PCDH9: variants seen among roughly 807,000 people sequenced by gnomAD.
The protein encoded by PCDH9 is protocadherin 9.
In PCDH9, 24 loss-of-function variants were observed where a neutral mutation model predicts 70.6. The observed-to-expected ratio is 0.34, with a 90% CI of 0.25 to 0.48. PCDH9 has a LOEUF of 0.48. PCDH9 is among the 20% of genes least tolerant of loss of function. PCDH9 has a pLI of 0.99. For missense variants in PCDH9, 1,281 were observed against 1,503.6 expected (o/e 0.85, Z 2.45); for synonymous variants, 562 against 558.5 (o/e 1.01, Z -0.09).
chr13:66,554,321 C>A (rs1023700121), intron 4 of PCDH9, among the ~76,000 whole-genome samples: 1 of 152,006 alleles, frequency 6.6e-6, no homozygotes, highest in African/African-American at 2.4e-5. Context: ...TACTCTTTTG[C>A]AACTTTAAAG....
At chr13:67,188,568 G>A (rs2088822091) in intron 2 of PCDH9, among the ~76,000 whole-genome samples, 1 of 151,820 alleles carries the variant, frequency 6.6e-6, no homozygotes, top group Admixed American at 6.6e-5. Flanking sequence ...ACATGTACAT[G>A]TCCTTTTAAT....
intron 2 of PCDH9, among the ~76,000 whole-genome samples, chr13:67,116,231 C>T (rs2138285673): frequency 6.6e-6 from 1 of 152,206 alleles, no homozygotes; most frequent in East Asian, 1.9e-4. Flanking sequence ...CCAGAGAATG[C>T]TGGAAACACG....
At chr13:66,491,330 CG>C (rs1959028248) in intron 4 of PCDH9, among the ~76,000 whole-genome samples, 1 of 149,452 alleles carries the variant, frequency 6.7e-6, no homozygotes, top group African/African-American at 2.5e-5. Context: ...CCACCTAGAA[CG>C]GAACAGATTT....
At position 66,667,070 on chromosome 13, in the gene PCDH9, C is replaced by T. The variant is rs567013497; in HGVS notation, c.3139-35659G>A. Reference sequence around the variant, plus strand: ...ATTTTAGAACTTGTAGGGTCACTGTCAGCACATTTAATCTAAAAATATGAA... The same window carrying T: ...ATTTTAGAACTTGTAGGGTCACTGTTAGCACATTTAATCTAAAAATATGAA... On this transcript the variant is annotated intron_variant, in intron 3 of 4. Transcript: ENST00000377865. Among the ~76,000 whole-genome samples, 21 of 151,992 alleles carry T rather than the reference C, an allele frequency of 1.4e-4. 1 individual carries two copies. The highest frequency in any genetic ancestry group is 2.2e-4 in the Non-Finnish European group (15 of 68,010).
At chr13:66,808,524 A>T (rs1030540321) in intron 3 of PCDH9, among the ~76,000 whole-genome samples, 1 of 151,922 alleles carries the variant, frequency 6.6e-6, no homozygotes, top group Non-Finnish European at 1.5e-5. Flanking sequence ...AACAAAACAA[A>T]AAAACAGAAT....
intron 2 of PCDH9, among the ~76,000 whole-genome samples, chr13:67,191,630 C>G (rs1366651483): frequency 1.3e-5 from 2 of 152,146 alleles, no homozygotes; most frequent in African/African-American, 4.8e-5. Flanking sequence ...CCTGCCACTT[C>G]AGGTGTTTCT....
chr13:66,876,262 A>C (rs1201715621), intron 3 of PCDH9, among the ~76,000 whole-genome samples: 1 of 152,158 alleles, frequency 6.6e-6, no homozygotes, highest in Non-Finnish European at 1.5e-5. Context: ...AAGTAAAAAA[A>C]AATATTCAAT....
At chr13:67,088,381 T>A (rs2086151705) in intron 2 of PCDH9, among the ~76,000 whole-genome samples, 2 of 152,042 alleles carry the variant, frequency 1.3e-5, no homozygotes, top group South Asian at 2.1e-4. Context: ...AAGCATCTAC[T>A]ATGTGCCACT....
At chr13:66,422,704 G>A (rs1217700415) in intron 4 of PCDH9, among the ~76,000 whole-genome samples, 1 of 152,064 alleles carries the variant, frequency 6.6e-6, no homozygotes, top group African/African-American at 2.4e-5. Context: ...GAGAAAGTGG[G>A]AAAGATCTAA....
At chr13:66,724,797 T>G (rs1433801601) in intron 3 of PCDH9, among the ~76,000 whole-genome samples, 1 of 152,138 alleles carries the variant, frequency 6.6e-6, no homozygotes, top group Non-Finnish European at 1.5e-5. Context: ...GCTTATCTAG[T>G]GTCTCTCCCA....
At chr13:66,396,960 T>A (rs1957111323) in intron 4 of PCDH9, among the ~76,000 whole-genome samples, 1 of 151,954 alleles carries the variant, frequency 6.6e-6, no homozygotes, top group African/African-American at 2.4e-5. Context: ...TGAAAAAAAA[T>A]GTAGGTACAT....
At chr13:67,086,584 A>C (rs1452408492) in intron 2 of PCDH9, among the ~76,000 whole-genome samples, 1 of 152,194 alleles carries the variant, frequency 6.6e-6, no homozygotes, top group East Asian at 1.9e-4. Context: ...TCAGAAGTAA[A>C]ATTTGGATGG....
chr13:66,809,905 T>A (rs1205404789), intron 3 of PCDH9, among the ~76,000 whole-genome samples: 1 of 152,144 alleles, frequency 6.6e-6, no homozygotes, highest in Non-Finnish European at 1.5e-5. Flanking sequence ...ATTGTCCTTG[T>A]CCTTAGTGGC....
At chr13:66,643,535 A>G (rs1295416161) in intron 3 of PCDH9, among the ~76,000 whole-genome samples, 3 of 152,062 alleles carry the variant, frequency 2.0e-5, no homozygotes, top group African/African-American at 7.2e-5. Flanking sequence ...CTTTGAAAAC[A>G]TTACCGAGTC....
At chr13:67,013,901 G>A (rs1290028816) in intron 2 of PCDH9, among the ~76,000 whole-genome samples, 2 of 151,952 alleles carry the variant, frequency 1.3e-5, no homozygotes, top group South Asian at 2.1e-4. Flanking sequence ...TTATCATCAC[G>A]AGATAAGCAT....
chr13:66,695,810 CATA>C (rs572710413), intron 3 of PCDH9, among the ~76,000 whole-genome samples: 1 of 152,224 alleles, frequency 6.6e-6, no homozygotes, highest in East Asian at 1.9e-4. Context: ...ATGTAGTTCA[CATA>C]ATATTAGTTT....
intron 3 of PCDH9, among the ~76,000 whole-genome samples, chr13:66,810,877 T>C (rs1157799169): frequency 6.6e-6 from 1 of 151,884 alleles, no homozygotes; most frequent in Non-Finnish European, 1.5e-5. Context: ...ACACAAGATA[T>C]ATGTTGCTAT....
At chr13:66,672,658 G>A (rs528898009) in intron 3 of PCDH9, among the ~76,000 whole-genome samples, 1 of 152,318 alleles carries the variant, frequency 6.6e-6, no homozygotes, top group South Asian at 2.1e-4. Flanking sequence ...AGTTGGGAGG[G>A]GGGCTGTACT....
At chr13:66,622,675 C>G (rs1047669503) in intron 4 of PCDH9, among the ~76,000 whole-genome samples, 1 of 152,220 alleles carries the variant, frequency 6.6e-6, no homozygotes, top group East Asian at 1.9e-4. Context: ...GGATTGTAAA[C>G]GCACCAATCA....
Sources: allele counts gnomAD v4.1 joint callset (sites outside exome capture counted in the v4.1 genomes callset), GRCh38; gene constraint gnomAD v4.1.1; transcripts MANE v1.5; gene names NCBI Gene and HGNC (gene_info 2026-07-23, HGNC 2026-07-21).